The following INPP5D variants were observed in gnomAD, a reference collection of about 807,000 sequenced individuals.
INPP5D encodes inositol polyphosphate-5-phosphatase D.
Under a neutral mutation model 122.9 loss-of-function variants are expected in INPP5D, and 33 were observed. That is an observed-to-expected ratio of 0.27 (90% CI 0.20 to 0.36). The LOEUF (loss-of-function observed/expected upper bound fraction) is 0.36, where lower values mean the gene tolerates loss of function less well. Ranked by LOEUF, INPP5D falls within the 10% of genes least tolerant of loss-of-function variation. The pLI is 1.00. For missense variants in INPP5D, 1,053 were observed against 1,412.7 expected, an observed-to-expected ratio of 0.75 and a Z score of 4.08; for synonymous variants, 584 against 576.2, an observed-to-expected ratio of 1.01 and a Z score of -0.19.
rs1161903725 is a variant in INPP5D, at chr2:233,147,608, T to C, written c.1030+14T>C. The C allele has an allele frequency of 1.4e-6, 1 of 703,610 alleles. No individual in the cohort carries two copies. The highest frequency in any genetic ancestry group is 2.0e-5 in the Admixed American group (1 of 50,006). The allele number at this position is 703,610 out of a possible 1,614,324, so 43.6% of individuals were successfully genotyped here. A position where few individuals can be genotyped will look rare whatever the true frequency, so the allele number is the denominator to read the frequency against. ...GCCACAAGAAAAGTAAGACCCCTCG[T>C]GCCTATCAACCACTGCCCCTCACCT... On this transcript the variant is annotated intron_variant, in intron 9 of 26. Coordinates refer to ENST00000445964, the MANE Select transcript of INPP5D (RefSeq NM_001017915.3).
chr2:233,086,214 T>C (rs1381995220), intron 2 of INPP5D, among the ~76,000 whole-genome samples: 1 of 144,894 alleles, frequency 6.9e-6, no homozygotes, highest in Non-Finnish European at 1.5e-5. Flanking sequence ...GTTTCGCTCT[T>C]GTTGCCCAGG....
intron 25 of INPP5D, among the ~76,000 whole-genome samples, chr2:233,198,814 G>A (rs1448389439): frequency 6.6e-6 from 1 of 152,080 alleles, no homozygotes. Flanking sequence ...GCCAGGGGTG[G>A]TGGTGCATGC....
chr2:233,166,139 C>T (rs1274107402), intron 13 of INPP5D, among the ~76,000 whole-genome samples: 2 of 152,206 alleles, frequency 1.3e-5, no homozygotes, highest in Non-Finnish European at 2.9e-5. Context: ...GCTATCCTGG[C>T]TGCGCCCACG....
chr2:233,091,833 T>A (rs1241607088), intron 2 of INPP5D, among the ~76,000 whole-genome samples: 1 of 152,168 alleles, frequency 6.6e-6, no homozygotes, highest in Non-Finnish European at 1.5e-5. Flanking sequence ...ATTATCTGTC[T>A]CCACCACGAG....
intron 17 of INPP5D, 96 bp downstream of exon 17, chr2:233,171,248 G>C: frequency 6.8e-7 from 1 of 1,469,428 alleles, no homozygotes; most frequent in Non-Finnish European, 9.1e-7. Context: ...CATCCATTAG[G>C]CAAAAAAAAA....
chr2:233,170,905 C>CAA lies in INPP5D; in HGVS notation c.1901-141_1901-140dup, dbSNP rs546215336. ...TGGCCAACAAAGACAGACTCCGTCT[C>CAA]AAAAAAAAAAAAAAAAAAAGCAGCA... On this transcript the variant is annotated intron_variant, in intron 16 of 26. Coordinates refer to ENST00000445964, the MANE Select transcript of INPP5D (RefSeq NM_001017915.3). The surrounding 1 kb of genome is among the most constrained non-coding windows in gnomAD (Gnocchi z 4.5). Among the ~76,000 whole-genome samples the CAA allele has an allele frequency of 9.1e-5, 10 of 109,668 alleles. No homozygotes were observed. The highest frequency in any genetic ancestry group is 3.1e-4 in the South Asian group (1 of 3,242). The allele number at this position is 109,668 out of a possible 152,430, so 71.9% of individuals were successfully genotyped here.
intron 6 of INPP5D, among the ~76,000 whole-genome samples, chr2:233,145,599 C>T (rs959710858): frequency 2.0e-5 from 3 of 152,008 alleles, no homozygotes; most frequent in African/African-American, 7.3e-5. Context: ...AGTTGCCCCT[C>T]CCAGGGGAAA....
intron 1 of INPP5D, among the ~76,000 whole-genome samples, chr2:233,070,864 C>A (rs1410143474): frequency 6.6e-6 from 1 of 152,182 alleles, no homozygotes; most frequent in African/African-American, 2.4e-5. Context: ...ATGTTTTTAG[C>A]ACAGTACTTG....
Position 233,105,018 on chromosome 2 carries a change from C to G in INPP5D, c.199-17089C>G, listed in dbSNP as rs1262777876. On this transcript the variant is annotated intron_variant, in intron 2 of 26. Coordinates refer to ENST00000445964, the MANE Select transcript of INPP5D (RefSeq NM_001017915.3). The surrounding 1 kb of genome is among the most constrained non-coding windows in gnomAD (Gnocchi z 4.0). The stretch of plus-strand genomic sequence containing the variant: ...TCCCACAGGGAGGCAAGAAACTGGG[C>G]TTTTGCACATGTACTCCAGGCCCCC... Among the ~76,000 whole-genome samples the G allele has an allele frequency of 6.6e-6, 1 of 152,160 alleles. No homozygotes were observed. The highest frequency in any genetic ancestry group is 1.9e-4 in the East Asian group (1 of 5,194).
At chr2:233,102,229 T>A (rs967208012) in intron 2 of INPP5D, among the ~76,000 whole-genome samples, 1 of 152,156 alleles carries the variant, frequency 6.6e-6, no homozygotes, top group African/African-American at 2.4e-5. Context: ...AATCGGAGAT[T>A]TCATCTAGGA....
At chr2:233,204,802 G>GTACCTA (rs1574810814) in intron 26 of INPP5D, 85 bp downstream of exon 26, 4 of 1,394,776 alleles carry the variant, frequency 2.9e-6, no homozygotes, top group African/African-American at 2.9e-5. Context: ...GCATATGTGT[G>GTACCTA]TGCATGTGTG....
rs188597387 is a variant in INPP5D, at chr2:233,155,851, A to G, written c.1031-2462A>G. Among the ~76,000 whole-genome samples, 54 of 152,240 alleles carry G rather than the reference A, an allele frequency of 3.5e-4. 2 individuals carry two copies. In the East Asian group the frequency reaches 9.3e-3, roughly 26 times the overall value. ...CCCACACAACCCTGGAAAGTCTCAC[A>G]ATGCTGGACTCCAAGAAAAGATCCT... On this transcript the variant is annotated intron_variant, in intron 9 of 26. Transcript: ENST00000445964.
At chr2:233,103,634 C>T (rs1692378985) in intron 2 of INPP5D, among the ~76,000 whole-genome samples, 1 of 151,616 alleles carries the variant, frequency 6.6e-6, no homozygotes, top group Non-Finnish European at 1.5e-5. Flanking sequence ...CTTGGCCCTT[C>T]TGTATCCTGG....
rs146315925 is a variant in INPP5D, at chr2:233,197,544, C to T, written c.2694-551C>T. On this transcript the variant is annotated intron_variant, in intron 24 of 26. Transcript: ENST00000445964. The surrounding 1 kb of genome is among the most constrained non-coding windows in gnomAD (Gnocchi z 4.4). The stretch of plus-strand genomic sequence containing the variant: ...TCCTCTGCACCTGCTCACCAGCCTT[C>T]GGACCGTCCAGGAACAGGCCAAACC... Among the ~76,000 whole-genome samples the T allele has an allele frequency of 5.2e-3, 788 of 152,270 alleles. 8 individuals are homozygous for T. Among genetic ancestry groups the T allele is most frequent in the African/African-American group, 0.017 (693 of 41,548 alleles).
chr2:233,098,297 G>A (rs73996022), intron 2 of INPP5D, among the ~76,000 whole-genome samples: 1,814 of 152,192 alleles, frequency 0.012, 41 homozygotes, highest in African/African-American at 0.041. Flanking sequence ...GGCACTCACC[G>A]AATGGTGCCC....
intron 2 of INPP5D, among the ~76,000 whole-genome samples, chr2:233,097,512 T>C (rs1271606650): frequency 1.3e-5 from 2 of 152,248 alleles, no homozygotes. Context: ...ATCTTTTTTC[T>C]GCTTTCTCCA....
chr2:233,144,726 C>A (rs1321987977), intron 6 of INPP5D, among the ~76,000 whole-genome samples: 1 of 111,480 alleles, frequency 9.0e-6, no homozygotes, highest in African/African-American at 2.8e-5. Context: ...TGGAGGTGGG[C>A]ATGATCATGG....
intron 18 of INPP5D, among the ~76,000 whole-genome samples, chr2:233,179,478 C>T (rs117199766): frequency 1.9e-4 from 29 of 152,306 alleles, no homozygotes; most frequent in East Asian, 1.7e-3. Context: ...CAAAACTGCT[C>T]GACAGTGGAG....
chr2:233,114,391 G>A (rs1692724955), intron 2 of INPP5D, among the ~76,000 whole-genome samples: 1 of 152,222 alleles, frequency 6.6e-6, no homozygotes. Flanking sequence ...GAGAAGTACA[G>A]GAAAGCATTT....
Sources: gnomAD v4.1 joint callset for allele counts (sites outside exome capture counted in the v4.1 genomes callset) on GRCh38, gnomAD v4.1.1 for gene constraint, Gnocchi (gnomAD v3.1) non-coding constraint, MANE v1.5 for transcripts, NCBI Gene and HGNC (gene_info 2026-07-23, HGNC 2026-07-21) for gene names.